ZSWIM6: variants seen among roughly 807,000 people sequenced by gnomAD.
ZSWIM6 encodes zinc finger SWIM-type containing 6.
In ZSWIM6, 9 loss-of-function variants were observed where a neutral mutation model predicts 113.2. The observed-to-expected ratio is 0.08, with a 90% CI of 0.05 to 0.14. The LOEUF (loss-of-function observed/expected upper bound fraction) is 0.14, where lower values mean the gene tolerates loss of function less well. Ranked by LOEUF, ZSWIM6 falls within the 10% of genes least tolerant of loss-of-function variation. ZSWIM6 has a pLI of 1.00. For missense variants in ZSWIM6, 1,162 were observed against 1,552.2 expected, an observed-to-expected ratio of 0.75 and a Z score of 4.22; for synonymous variants, 611 against 606.5, an observed-to-expected ratio of 1.01 and a Z score of -0.11.
chr5:61,337,575 T>A (rs2112021937), intron 1 of ZSWIM6, among the ~76,000 whole-genome samples: 1 of 152,306 alleles, frequency 6.6e-6, no homozygotes, highest in South Asian at 2.1e-4. Context: ...AGAAGGGAAG[T>A]GCCTAAGAAA....
At chr5:61,366,927 C>CAAAAAAAAAA (rs34423967) in intron 1 of ZSWIM6, among the ~76,000 whole-genome samples, 1 of 86,134 alleles carries the variant, frequency 1.2e-5, no homozygotes, top group Non-Finnish European at 2.3e-5. Flanking sequence ...TCTGCTGTCT[C>CAAAAAAAAAA]AAAAAAAAAA....
At chr5:61,471,898 T>C (rs1294213345) in intron 1 of ZSWIM6, among the ~76,000 whole-genome samples, 1 of 151,966 alleles carries the variant, frequency 6.6e-6, no homozygotes, top group East Asian at 1.9e-4. Context: ...TTTAAGGCTT[T>C]TTCCACCTTG....
chr5:61,477,434 C>G (rs897509089), intron 2 of ZSWIM6, among the ~76,000 whole-genome samples: 3 of 152,206 alleles, frequency 2.0e-5, no homozygotes, highest in Non-Finnish European at 2.9e-5. Flanking sequence ...AGCTCTGTGT[C>G]TTTGCTGGTG....
At chr5:61,389,843 C>T (rs1313066384) in intron 1 of ZSWIM6, among the ~76,000 whole-genome samples, 4 of 152,122 alleles carry the variant, frequency 2.6e-5, no homozygotes, top group African/African-American at 9.7e-5. Context: ...ATTTCTTAGC[C>T]ATGTGCTGTA....
chr5:61,448,755 A>G (rs1395930897), intron 1 of ZSWIM6, among the ~76,000 whole-genome samples: 3 of 152,166 alleles, frequency 2.0e-5, no homozygotes, highest in Non-Finnish European at 4.4e-5. Flanking sequence ...TGTATTTGCT[A>G]TGCAGAAGAC....
chr5:61,527,122 A>T lies in ZSWIM6; in HGVS notation c.1837+726A>T, dbSNP rs1434670154. Among the ~76,000 whole-genome samples the T allele has an allele frequency of 3.9e-5, 6 of 152,350 alleles. No individual in the cohort carries two copies. In the East Asian group the frequency reaches 5.8e-4, roughly 15 times the overall value. On this transcript the variant is annotated intron_variant, in intron 7 of 13. Transcript: ENST00000252744. ...AGTTTATTAATCTTTTAAATTTTGA[A>T]TAACTATTACTGAGTAATAGTAATT...
intron 1 of ZSWIM6, among the ~76,000 whole-genome samples, chr5:61,408,685 A>G (rs906180701): frequency 6.6e-6 from 1 of 152,266 alleles, no homozygotes; most frequent in Non-Finnish European, 1.5e-5. Flanking sequence ...GCATTATGCA[A>G]GCTGTTAAAT....
rs2112290492 is a variant in ZSWIM6, at chr5:61,539,895, G to T, written c.2703+136G>T. The T allele has an allele frequency of 3.5e-6, 3 of 861,210 alleles. No homozygotes were observed. In the East Asian group the frequency reaches 8.0e-5, roughly 23 times the overall value. The allele number at this position is 861,210 out of a possible 1,614,324, so 53.3% of individuals were successfully genotyped here. Reference sequence around the variant, plus strand: ...AGTACAAATCTGTTAGACTTCAGGAGAGAACTGTATTTCAGAGACGTGGTC... The same window carrying T: ...AGTACAAATCTGTTAGACTTCAGGATAGAACTGTATTTCAGAGACGTGGTC... On this transcript the variant is annotated intron_variant, in intron 12 of 13. Transcript: ENST00000252744.
At chr5:61,360,135 A>G (rs943407323) in intron 1 of ZSWIM6, among the ~76,000 whole-genome samples, 9 of 152,150 alleles carry the variant, frequency 5.9e-5, no homozygotes, top group African/African-American at 2.2e-4. Context: ...TCTGCTGGAG[A>G]TCTTCATTGG....
intron 1 of ZSWIM6, among the ~76,000 whole-genome samples, chr5:61,396,477 G>A (rs1745839696): frequency 6.7e-6 from 1 of 148,388 alleles, no homozygotes; most frequent in East Asian, 2.0e-4. Context: ...GTTGCAGTGA[G>A]CCGACATCGC....
intron 1 of ZSWIM6, among the ~76,000 whole-genome samples, chr5:61,451,643 C>A (rs952351510): frequency 6.6e-6 from 1 of 152,134 alleles, no homozygotes; most frequent in Non-Finnish European, 1.5e-5. Context: ...AGGAAAGGTT[C>A]TTTCTTTTAA....
rs148269496 is a variant in ZSWIM6, at chr5:61,504,287, C to G, written c.1333+9877C>G. On this transcript the variant is annotated intron_variant, in intron 4 of 13. Coordinates refer to ENST00000252744, the MANE Select transcript of ZSWIM6 (RefSeq NM_020928.2). ...TCTGAAATACAAACAGTTTAGAGTA[C>G]AGAAGGGCAATGATTCTCCCTTGCC... Among the ~76,000 whole-genome samples, 567 of 152,254 alleles carry G rather than the reference C, an allele frequency of 3.7e-3. 3 individuals carry two copies. The highest frequency in any genetic ancestry group is 6.5e-3 in the Non-Finnish European group (445 of 67,998).
At chr5:61,421,223 TTCTG>T (rs768872429) in intron 1 of ZSWIM6, among the ~76,000 whole-genome samples, 1 of 152,078 alleles carries the variant, frequency 6.6e-6, no homozygotes, top group African/African-American at 2.4e-5. Context: ...CCTGGCCTCA[TTCTG>T]TCTTTGTTTT....
chr5:61,462,419 T>C (rs1188906356), intron 1 of ZSWIM6, among the ~76,000 whole-genome samples: 5 of 152,366 alleles, frequency 3.3e-5, no homozygotes, highest in Admixed American at 2.6e-4. Context: ...TTAAGTCTTC[T>C]AAATCCTTTT....
At chr5:61,396,057 T>C (rs1745831696) in intron 1 of ZSWIM6, among the ~76,000 whole-genome samples, 1 of 152,178 alleles carries the variant, frequency 6.6e-6, no homozygotes, top group Admixed American at 6.5e-5. Context: ...GTCTGGTGTT[T>C]GGAGGCAGAC....
intron 1 of ZSWIM6, among the ~76,000 whole-genome samples, chr5:61,335,418 T>G (rs754902153): frequency 2.6e-5 from 4 of 152,234 alleles, no homozygotes; most frequent in African/African-American, 7.2e-5. Flanking sequence ...CACTGAGAGA[T>G]AGAACACTTA....
At chr5:61,356,682 A>C (rs1440712887) in intron 1 of ZSWIM6, among the ~76,000 whole-genome samples, 1 of 142,414 alleles carries the variant, frequency 7.0e-6, no homozygotes, top group African/African-American at 2.6e-5. Context: ...ATATAACATA[A>C]TATATAATAT....
intron 1 of ZSWIM6, among the ~76,000 whole-genome samples, chr5:61,349,834 GT>G (rs997021562): frequency 6.6e-6 from 1 of 152,002 alleles, no homozygotes. Context: ...TCTATTTGAT[GT>G]TTCATTTTTA....
intron 1 of ZSWIM6, among the ~76,000 whole-genome samples, chr5:61,387,136 A>C (rs961724128): frequency 2.0e-5 from 3 of 152,184 alleles, no homozygotes; most frequent in Non-Finnish European, 4.4e-5. Flanking sequence ...TAGATTGGCC[A>C]TCTGCTTTTG....
Sources: allele counts gnomAD v4.1 joint callset (sites outside exome capture counted in the v4.1 genomes callset), GRCh38; gene constraint gnomAD v4.1.1; transcripts MANE v1.5; gene names NCBI Gene and HGNC (gene_info 2026-07-23, HGNC 2026-07-21).